The following PFN4 variants were observed in gnomAD, a reference collection of about 807,000 sequenced individuals.
PFN4 encodes the protein profilin-4.
A neutral mutation model predicts 16.3 loss-of-function variants in PFN4; 10 were observed. That is an observed-to-expected ratio of 0.61 (90% CI 0.38 to 1.04). PFN4 has a LOEUF of 1.04. Ranked by LOEUF, PFN4 falls within the 50% of genes least tolerant of loss-of-function variation. PFN4 has a pLI of 0.01. For missense variants in PFN4, 136 were observed against 153.6 expected, an observed-to-expected ratio of 0.89 and a Z score of 0.61; for synonymous variants, 54 against 56.9, an observed-to-expected ratio of 0.95 and a Z score of 0.23.
intron 4 of PFN4, among the ~76,000 whole-genome samples, chr2:24,118,652 T>C (rs1197660903): frequency 2.6e-5 from 4 of 152,184 alleles, no homozygotes; most frequent in Non-Finnish European, 5.9e-5. Flanking sequence ...TCTTTAATGA[T>C]GATTAGGAAT....
At chr2:24,118,404 G>T (rs1295209095) in intron 4 of PFN4, among the ~76,000 whole-genome samples, 5 of 152,134 alleles carry the variant, frequency 3.3e-5, no homozygotes, top group Admixed American at 6.6e-5. Flanking sequence ...GCTCTCTGGC[G>T]CCTTCCCTGA....
chr2:24,121,753 T>G lies in PFN4; in HGVS notation c.118-453A>C, dbSNP rs550723251. Among the ~76,000 whole-genome samples, 12 of 152,286 alleles carry G rather than the reference T, an allele frequency of 7.9e-5. No individual in the cohort carries two copies. In the South Asian group the frequency reaches 2.5e-3, roughly 32 times the overall value. On this transcript the variant is annotated intron_variant, in intron 2 of 4. Coordinates refer to ENST00000313213, the MANE Select transcript of PFN4 (RefSeq NM_199346.3). ...TTCACTGTATTTGTTCCAGGAGAGC[T>G]GGCTCTTAGAAAGAGCCTGGCACCT... is the stretch of plus-strand genomic sequence containing the variant.
chr2:24,115,493 A>T lies in PFN4; in HGVS notation c.*90T>A. On this transcript the variant is annotated 3_prime_UTR_variant, in exon 5 of 5. Transcript: ENST00000313213. ...TCTTCTTTTTTAGTGCCTTCTGTCT[A>T]GTGTTTTTTCAACCATAAAATATTT... The T allele has an allele frequency of 1.8e-6, 2 of 1,142,072 alleles. No homozygotes were observed. The highest frequency in any genetic ancestry group is 2.4e-5 in the East Asian group (1 of 41,522). The allele number at this position is 1,142,072 out of a possible 1,614,324, so 70.7% of individuals were successfully genotyped here. A position where few individuals can be genotyped will look rare whatever the true frequency, so the allele number is the denominator to read the frequency against.
chr2:24,122,755 G>T, intron 1 of PFN4: 1 of 427,000 alleles, frequency 2.3e-6, no homozygotes, highest in Non-Finnish European at 4.1e-6. Flanking sequence ...AGCTCACACA[G>T]AATAGGTTAT....
At chr2:24,122,381 G>A (rs776696285) in intron 2 of PFN4, 38 bp downstream of exon 2, 75 of 1,360,050 alleles carry the variant, frequency 5.5e-5, no homozygotes, top group Non-Finnish European at 7.8e-5. Flanking sequence ...GAAATAATAA[G>A]TAAATCAAGT....
intron 4 of PFN4, 134 bp from the exon 5 acceptor site, chr2:24,115,745 G>GAAACAAGGGTGACTGGATAGTTGAAACA (rs1665894564): frequency 1.1e-6 from 1 of 909,552 alleles, no homozygotes; most frequent in African/African-American, 1.7e-5. Flanking sequence ...AGGTACTGGA[G>GAAACAAGGGTGACTGGATAGTTGAAACA]AAACAAGGGT....
At chr2:24,117,158 GTACCT>G (rs1665945354) in intron 4 of PFN4, among the ~76,000 whole-genome samples, 1 of 151,764 alleles carries the variant, frequency 6.6e-6, no homozygotes, top group South Asian at 2.1e-4. Context: ...GGGATTACAG[GTACCT>G]ACCACCACAC....
Position 24,119,747 on chromosome 2 carries a change from C to G in PFN4, c.256-65G>C, listed in dbSNP as rs148906698. 1.3e-5 allele frequency: 16 copies of G among 1,212,536 alleles called. No homozygotes were observed. In the African/African-American group the frequency reaches 2.2e-4, roughly 17 times the overall value. 75.1% of individuals were successfully genotyped at this position (1,212,536 alleles called of 1,614,324 possible). On this transcript the variant is annotated intron_variant, in intron 3 of 4. Coordinates refer to ENST00000313213, the MANE Select transcript of PFN4 (RefSeq NM_199346.3). The stretch of plus-strand genomic sequence containing the variant: ...TAATCACAGGACCAGTGGTCATGCT[C>G]CAGCTACGTTTTTCACCATTTCCTG...
At chr2:24,123,340 G>C (rs942090449), upstream of PFN4, 21 of 152,290 alleles carry the variant, frequency 1.4e-4, no homozygotes, top group African/African-American at 4.8e-4. Flanking sequence ...GGATTGGCCG[G>C]GCCACGCGCC....
intron 4 of PFN4, 45 bp from the exon 5 acceptor site, chr2:24,115,656 A>G: frequency 1.9e-6 from 3 of 1,578,788 alleles, no homozygotes; most frequent in East Asian, 2.2e-5. Context: ...GCTGCAAATT[A>G]TCACTACAAA....
At position 24,119,697 on chromosome 2, in the gene PFN4, T is replaced by C; in HGVS notation, c.256-15A>G. 1.9e-6 allele frequency: 3 copies of C among 1,585,960 alleles called. No individual in the cohort carries two copies. Among genetic ancestry groups the C allele is most frequent in the Non-Finnish European group, 2.6e-6 (3 of 1,157,622 alleles). On this transcript the variant is annotated splice_polypyrimidine_tract_variant and intron_variant, in intron 3 of 4. Transcript: ENST00000313213. ...CCAGTGTTCTCCTGTATAAAGAATA[T>C]AAGAGAATATTCTGCTCTTGGTTCT... is the stretch of plus-strand genomic sequence containing the variant.
rs1165562539 is a variant in PFN4, at chr2:24,114,896, G to A, written c.*687C>T. ...ACTAAGGTGTGCAGTGAGAGTTAGG[G>A]TTAGAGTCAGAAATCTTTTTGAGTT... On this transcript the variant is annotated 3_prime_UTR_variant, in exon 5 of 5. Coordinates refer to ENST00000313213, the MANE Select transcript of PFN4 (RefSeq NM_199346.3). Among the ~76,000 whole-genome samples, 1 of 152,180 alleles carries A rather than the reference G, an allele frequency of 6.6e-6. No individual in the cohort carries two copies. Among genetic ancestry groups the A allele is most frequent in the Non-Finnish European group, 1.5e-5 (1 of 68,042 alleles).
intron 4 of PFN4, among the ~76,000 whole-genome samples, chr2:24,118,397 C>G (rs961820316): frequency 3.3e-5 from 5 of 152,210 alleles, no homozygotes; most frequent in Non-Finnish European, 5.9e-5. Context: ...AGATTCAGCT[C>G]TCTGGCGCCT....
chr2:24,114,826 T>C lies in PFN4; in HGVS notation c.*757A>G, dbSNP rs542293094. On this transcript the variant is annotated 3_prime_UTR_variant, in exon 5 of 5. Coordinates refer to ENST00000313213, the MANE Select transcript of PFN4 (RefSeq NM_199346.3). ...TATCACCTAGGAGACCAAGAGGAGA[T>C]GAACTCTTTCTGGGGAAGGGTGCAT... 3.3e-4 allele frequency among the ~76,000 whole-genome samples: 51 copies of C among 152,328 alleles called. No homozygotes were observed. The highest frequency in any genetic ancestry group is 6.3e-4 in the Non-Finnish European group (43 of 68,026).
At chr2:24,121,734 G>A (rs751543300) in intron 2 of PFN4, among the ~76,000 whole-genome samples, 2 of 152,094 alleles carry the variant, frequency 1.3e-5, no homozygotes, top group African/African-American at 2.4e-5. Context: ...AGTTTTCACT[G>A]TATTTGTTCC....
At chr2:24,120,052 T>TGAGGTTG (rs1354988760) in intron 3 of PFN4, among the ~76,000 whole-genome samples, 10 of 152,110 alleles carry the variant, frequency 6.6e-5, no homozygotes, top group African/African-American at 2.4e-4. Context: ...AAAGATCACC[T>TGAGGTTG]GAGGTTGGAA....
chr2:24,116,886 AAAG>A (rs1223485080), intron 4 of PFN4, among the ~76,000 whole-genome samples: 3 of 148,660 alleles, frequency 2.0e-5, no homozygotes, highest in Non-Finnish European at 4.5e-5. Flanking sequence ...CAAAAAAAAA[AAAG>A]AAAAAGAAAA....
At chr2:24,115,744 A>T in intron 4 of PFN4, 133 bp from the exon 5 acceptor site, 1 of 927,124 alleles carries the variant, frequency 1.1e-6, no homozygotes, top group Admixed American at 2.2e-5. Flanking sequence ...TAGGTACTGG[A>T]GAAACAAGGG....
At chr2:24,116,143 A>G (rs1313102414) in intron 4 of PFN4, among the ~76,000 whole-genome samples, 2 of 152,044 alleles carry the variant, frequency 1.3e-5, no homozygotes, top group African/African-American at 4.8e-5. Flanking sequence ...CCTGGCTAAC[A>G]TGGTGAAAAT....
Sources: allele counts gnomAD v4.1 joint callset (sites outside exome capture counted in the v4.1 genomes callset), GRCh38; gene constraint gnomAD v4.1.1; transcripts MANE v1.5; gene names NCBI Gene and HGNC (gene_info 2026-07-23, HGNC 2026-07-21).